The following TLK2 variants were observed in gnomAD, a reference collection of about 807,000 sequenced individuals.
The protein encoded by TLK2 is tousled like kinase 2, also known as serine/threonine-protein kinase tousled-like 2.
Under a neutral mutation model 117.3 loss-of-function variants are expected in TLK2, and 6 were observed. The observed-to-expected ratio is 0.05, with a 90% CI of 0.03 to 0.10. The LOEUF (loss-of-function observed/expected upper bound fraction) is 0.10. Ranked by LOEUF, TLK2 falls within the 10% of genes least tolerant of loss-of-function variation. TLK2 has a pLI of 1.00. For synonymous variants in TLK2, 257 were observed against 316.7 expected (o/e 0.81, Z 2.00); for missense variants, 299 against 901.2 (o/e 0.33, Z 8.56).
At chr17:62,577,162 C>T (rs2080867858) in intron 13 of TLK2, among the ~76,000 whole-genome samples, 1 of 151,904 alleles carries the variant, frequency 6.6e-6, no homozygotes, top group South Asian at 2.1e-4. Context: ...GGGGGTCTCA[C>T]CATTAGGCTG....
At chr17:62,503,849 CT>C (rs1019864016) in intron 2 of TLK2, among the ~76,000 whole-genome samples, 57 of 152,008 alleles carry the variant, frequency 3.7e-4, no homozygotes, top group African/African-American at 1.3e-3. Flanking sequence ...CTGCCTCAGC[CT>C]CCCGAGTAGC....
intron 16 of TLK2, among the ~76,000 whole-genome samples, chr17:62,594,828 ACACC>A (rs1177637516): frequency 1.5e-5 from 2 of 133,590 alleles, no homozygotes; most frequent in Non-Finnish European, 3.3e-5. Flanking sequence ...ACACACACAC[ACACC>A]CCATGTGGGT....
chr17:62,588,585 A>G (rs2081834060), intron 16 of TLK2, among the ~76,000 whole-genome samples: 1 of 152,146 alleles, frequency 6.6e-6, no homozygotes, highest in African/African-American at 2.4e-5. Flanking sequence ...TATTTGGCAG[A>G]CACCTTGGGG....
rs1047679236 is a variant in TLK2 at position 62,543,585 on chromosome 17, C to A, written c.531+7248C>A. Among the ~76,000 whole-genome samples, 2 of 152,290 alleles carry A rather than the reference C, an allele frequency of 1.3e-5. 1 individual carries two copies. On this transcript the variant is annotated intron_variant, in intron 7 of 21. Coordinates refer to ENST00000346027, the MANE Select transcript of TLK2 (RefSeq NM_006852.6). ...GTTTTGATTTGCATTCCCCAAAAAA[C>A]TGGTGATGTTGAGCATTTTTTCATT...
intron 2 of TLK2, among the ~76,000 whole-genome samples, chr17:62,498,796 G>A (rs1305879202): frequency 1.3e-5 from 2 of 152,172 alleles, no homozygotes; most frequent in Non-Finnish European, 2.9e-5. Flanking sequence ...AGTTAGACCT[G>A]TATGTCTTGC....
At chr17:62,581,852 TTAGA>T (rs1460235188) in intron 15 of TLK2, among the ~76,000 whole-genome samples, 4 of 152,212 alleles carry the variant, frequency 2.6e-5, no homozygotes, top group African/African-American at 2.4e-5. Context: ...TTCTAGCTAC[TTAGA>T]TAGAGTTGTG....
At chr17:62,537,094 A>G (rs1279307420) in intron 7 of TLK2, among the ~76,000 whole-genome samples, 1 of 152,138 alleles carries the variant, frequency 6.6e-6, no homozygotes, top group East Asian at 1.9e-4. Context: ...ATCTTTCACA[A>G]CTAAGTCACC....
intron 2 of TLK2, among the ~76,000 whole-genome samples, chr17:62,518,141 A>G (rs1444436809): frequency 6.6e-6 from 1 of 152,176 alleles, no homozygotes; most frequent in Non-Finnish European, 1.5e-5. Context: ...TTGATATCCT[A>G]CTGTTCAAGG....
At chr17:62,582,224 AG>A (rs2081273746) in intron 15 of TLK2, among the ~76,000 whole-genome samples, 1 of 152,138 alleles carries the variant, frequency 6.6e-6, no homozygotes, top group Admixed American at 6.5e-5. Context: ...TAATTTTTCT[AG>A]GAAATCTATT....
intron 10 of TLK2, among the ~76,000 whole-genome samples, chr17:62,562,787 T>C (rs993679728): frequency 6.6e-6 from 1 of 152,202 alleles, no homozygotes; most frequent in Non-Finnish European, 1.5e-5. Context: ...AATCCTGTGA[T>C]CCAGCAGTTC....
intron 2 of TLK2, among the ~76,000 whole-genome samples, chr17:62,484,066 C>T (rs1312986519): frequency 2.0e-5 from 3 of 152,178 alleles, no homozygotes; most frequent in Admixed American, 2.0e-4. Context: ...TTGTGATGTG[C>T]CTGCCTCGGC....
upstream of TLK2, among the ~76,000 whole-genome samples, chr17:62,478,486 C>G (rs1485058475): frequency 6.7e-6 from 1 of 150,024 alleles, no homozygotes; most frequent in Non-Finnish European, 1.5e-5. Flanking sequence ...TCCGGGCCTC[C>G]GGCCTCGGGC....
At chr17:62,492,469 G>GT (rs908128427) in intron 2 of TLK2, among the ~76,000 whole-genome samples, 1 of 147,574 alleles carries the variant, frequency 6.8e-6, no homozygotes, top group African/African-American at 2.5e-5. Context: ...TTTTTTTTTT[G>GT]TTTTTTGAGA....
intron 9 of TLK2, among the ~76,000 whole-genome samples, chr17:62,558,898 A>G (rs180837407): frequency 3.9e-5 from 6 of 152,344 alleles, no homozygotes; most frequent in African/African-American, 1.4e-4. Context: ...GTATCGTGTG[A>G]TATCTTCTGT....
chr17:62,538,503 G>A (rs1001653363), intron 7 of TLK2, among the ~76,000 whole-genome samples: 2 of 152,188 alleles, frequency 1.3e-5, no homozygotes, highest in African/African-American at 4.8e-5. Flanking sequence ...ACTGTGTAAT[G>A]AGCATAGTTA....
chr17:62,576,297 G>A (rs2080781360), intron 12 of TLK2, among the ~76,000 whole-genome samples: 1 of 152,082 alleles, frequency 6.6e-6, no homozygotes, highest in Non-Finnish European at 1.5e-5. Context: ...CTTTCTCTTT[G>A]TTATTACAGT....
chr17:62,572,556 C>T (rs2080394781), intron 11 of TLK2, among the ~76,000 whole-genome samples: 1 of 152,038 alleles, frequency 6.6e-6, no homozygotes, highest in Non-Finnish European at 1.5e-5. Flanking sequence ...ATGTTTTATA[C>T]TAATTCATTT....
chr17:62,579,304 C>T (rs1474683202), intron 14 of TLK2, among the ~76,000 whole-genome samples: 2 of 152,066 alleles, frequency 1.3e-5, no homozygotes, highest in African/African-American at 2.4e-5. Flanking sequence ...GCAGGATAAC[C>T]CAGTCATCTT....
chr17:62,490,367 G>A (rs1394671333), intron 2 of TLK2, among the ~76,000 whole-genome samples: 1 of 152,054 alleles, frequency 6.6e-6, no homozygotes, highest in Non-Finnish European at 1.5e-5. Context: ...AAACCTATAC[G>A]TTGAAATTTT....
Sources: gnomAD v4.1 joint callset for allele counts (sites outside exome capture counted in the v4.1 genomes callset) on GRCh38, gnomAD v4.1.1 for gene constraint, MANE v1.5 for transcripts, NCBI Gene and HGNC (gene_info 2026-07-23, HGNC 2026-07-21) for gene names.